Variants in EEF1G observed in about 807,000 individuals in gnomAD.
The protein encoded by EEF1G is elongation factor 1-gamma.
EEF1G carries 14 observed loss-of-function variants against 58.3 expected under a neutral mutation model. That is an observed-to-expected ratio of 0.24 (90% CI 0.16 to 0.38). The LOEUF is 0.38. Among genes scored for constraint, EEF1G ranks in the 10% least tolerant of loss-of-function variants. The pLI is 1.00. For synonymous variants in EEF1G, 180 were observed against 206.8 expected (o/e 0.87, Z 1.11); for missense variants, 322 against 550.1 (o/e 0.59, Z 4.15).
chr11:62,565,566 T>C (rs1941546446), intron 7 of EEF1G, among the ~76,000 whole-genome samples: 1 of 152,220 alleles, frequency 6.6e-6, no homozygotes. Flanking sequence ...TGACCTACTA[T>C]ATGTGAAAAT....
At chr11:62,564,334 G>A (rs1280013591) in intron 7 of EEF1G, among the ~76,000 whole-genome samples, 3 of 135,784 alleles carry the variant, frequency 2.2e-5, no homozygotes, top group East Asian at 3.9e-4. Flanking sequence ...ATGGTGGCAC[G>A]CACCTGCAAT....
chr11:62,562,003 T>A (rs1941502117), intron 7 of EEF1G, among the ~76,000 whole-genome samples: 1 of 152,224 alleles, frequency 6.6e-6, no homozygotes, highest in African/African-American at 2.4e-5. Flanking sequence ...AAACAATGTA[T>A]GAAGTTCCCA....
Position 62,571,681 on chromosome 11 carries a change from C to T in EEF1G, c.237G>A (p.Val79=). ...TACTTCCCCGCAGCTCCTCATTGCTCACTGCAGAGGCAGAACACGAAGGTC... is the reference window on the plus strand; with the variant it reads ...TACTTCCCCGCAGCTCCTCATTGCTTACTGCAGAGGCAGAACACGAAGGTC... ...VFESNAIAYY[V]SNEELRGSTP... Residue 79 remains valine (V), a splice_region_variant and synonymous_variant, in exon 4 of 10, where the codon GTG becomes GTA. Transcript: ENST00000329251. The T allele has an allele frequency of 6.3e-7, 1 of 1,586,400 alleles. No individual in the cohort carries two copies. The highest frequency in any genetic ancestry group is 1.3e-5 in the African/African-American group (1 of 74,360).
intron 6 of EEF1G, 79 bp from the exon 7 acceptor site, chr11:62,567,089 A>C: frequency 1.4e-6 from 2 of 1,462,460 alleles, no homozygotes; most frequent in Non-Finnish European, 1.9e-6. Context: ...AGAGCAAGCA[A>C]GGTAACAGAG....
At chr11:62,563,481 G>T (rs1252140114) in intron 7 of EEF1G, among the ~76,000 whole-genome samples, 1 of 152,122 alleles carries the variant, frequency 6.6e-6, no homozygotes, top group East Asian at 1.9e-4. Flanking sequence ...CTACTCAAGA[G>T]GCTGAGGTAG....
chr11:62,572,814 A>G, intron 1 of EEF1G, 72 bp from the exon 2 acceptor site: 2 of 1,424,872 alleles, frequency 1.4e-6, no homozygotes, highest in Non-Finnish European at 9.6e-7. Flanking sequence ...CTCCAGGATG[A>G]CTTTCCTGAA....
chr11:62,568,765 G>A (rs1454685398), intron 5 of EEF1G, among the ~76,000 whole-genome samples: 3 of 151,492 alleles, frequency 2.0e-5, no homozygotes, highest in African/African-American at 7.3e-5. Context: ...CTGAGGTCAG[G>A]AGTTCGAGAC....
intron 9 of EEF1G, 113 bp from the exon 10 acceptor site, chr11:62,559,950 G>C: frequency 6.2e-7 from 1 of 1,604,652 alleles, no homozygotes; most frequent in South Asian, 1.1e-5. Flanking sequence ...AACATGAACT[G>C]CTCCTTCCTA....
intron 7 of EEF1G, among the ~76,000 whole-genome samples, chr11:62,566,516 A>G (rs1941557618): frequency 6.6e-6 from 1 of 152,200 alleles, no homozygotes; most frequent in South Asian, 2.1e-4. Flanking sequence ...TGGTCAAATG[A>G]GCTTGCTCAA....
chr11:62,561,340 C>T (rs1244269010), intron 7 of EEF1G, among the ~76,000 whole-genome samples: 1 of 151,746 alleles, frequency 6.6e-6, no homozygotes, highest in Non-Finnish European at 1.5e-5. Flanking sequence ...GATCGCGCCA[C>T]TGCACTCCAG....
chr11:62,567,146 C>G, intron 6 of EEF1G, 136 bp from the exon 7 acceptor site: 2 of 996,688 alleles, frequency 2.0e-6, no homozygotes, highest in Non-Finnish European at 3.0e-6. Context: ...CCAGACTGCT[C>G]ATCAGTTCAC....
rs1941476903 is a variant in EEF1G, at chr11:62,559,988, C to T, written c.1155+81G>A. ...AGCATTCCTGAACCCTCCTAAACAT[C>T]CATCAACTCAGAAATAAAACACAGT... On this transcript the variant is annotated intron_variant, in intron 9 of 9. Transcript: ENST00000329251. 5.5e-5 allele frequency: 88 copies of T among 1,607,710 alleles called. 1 individual carries two copies. In the South Asian group the frequency reaches 9.5e-4, roughly 17 times the overall value.
intron 7 of EEF1G, among the ~76,000 whole-genome samples, chr11:62,562,952 A>C (rs1231623238): frequency 6.6e-6 from 1 of 151,396 alleles, no homozygotes; most frequent in Non-Finnish European, 1.5e-5. Context: ...AAAATTTAAA[A>C]ATTAGCTGGG....
At chr11:62,573,360 C>A (rs1243860332) in intron 1 of EEF1G, 1 of 179,480 alleles carries the variant, frequency 5.6e-6, no homozygotes, top group Non-Finnish European at 1.2e-5. Context: ...TCTATTATGC[C>A]GGCCAGCGGA....
chr11:62,571,164 T>TC, intron 4 of EEF1G, 56 bp from the exon 5 acceptor site: 1 of 1,610,566 alleles, frequency 6.2e-7, no homozygotes, highest in Non-Finnish European at 8.5e-7. Context: ...TTCCCTCACC[T>TC]CCCCCATTAA....
At chr11:62,562,513 G>A (rs748137100) in intron 7 of EEF1G, among the ~76,000 whole-genome samples, 2 of 151,768 alleles carry the variant, frequency 1.3e-5, no homozygotes, top group Non-Finnish European at 2.9e-5. Flanking sequence ...ATGGAGTCTC[G>A]CCCTGTCACC....
rs367830508 is a variant in EEF1G at position 62,566,901 on chromosome 11, C to G, written c.762G>C (p.Ala254=). ...TCTCCTCCTCAGGAGCAGGGGCAGC[C>G]GCCTTTTTCTCCTCCTTCCGCTCAG... The part of the protein sequence containing the change: ...PQAERKEEKK[A]AAPAPEEEMD... The change falls in exon 7 of 10, where the codon GCG becomes GCC. Residue 254 remains alanine (A), a synonymous_variant. Transcript: ENST00000329251. 521 of 1,613,632 alleles carry G rather than the reference C, an allele frequency of 3.2e-4. No homozygotes were observed. The highest frequency in any genetic ancestry group is 5.1e-4 in the Middle Eastern group (3 of 5,934).
intron 7 of EEF1G, among the ~76,000 whole-genome samples, chr11:62,563,213 G>A (rs75704988): frequency 6.6e-6 from 1 of 151,792 alleles, no homozygotes; most frequent in Non-Finnish European, 1.5e-5. Flanking sequence ...TGCAAGCTCC[G>A]CCTCCTGGGT....
Position 62,571,623 on chromosome 11 carries a change from C to T in EEF1G, c.295G>A (p.Val99Met). 1.9e-6 allele frequency: 3 copies of T among 1,587,640 alleles called. No individual in the cohort carries two copies. Among genetic ancestry groups the T allele is most frequent in the South Asian group, 1.2e-5 (1 of 86,862 alleles). Residue 99 changes from valine to methionine, a missense_variant, in exon 4 of 10, where the codon GTG becomes ATG. Val to Met is a conservative substitution (Grantham distance 21, BLOSUM62 1). Around this residue, in one of 3 missense-constraint regions of EEF1G, gnomAD observed 52 missense variants for 139.4 expected, o/e 0.37. Transcript: ENST00000329251. Reference sequence around the variant, plus strand: ...ACTATATCGGAATCAGCAAAGCTCACCCACTGCACCACCTGGGCTGCTGCC... The same window carrying T: ...ACTATATCGGAATCAGCAAAGCTCATCCACTGCACCACCTGGGCTGCTGCC... ...PEAAAQVVQW[V>M]SFADSDIVPP...
Sources: gnomAD v4.1 joint callset for allele counts (sites outside exome capture counted in the v4.1 genomes callset) on GRCh38, gnomAD v4.1.1 for gene constraint, gnomAD v4.1.1 regional missense constraint, MANE v1.5 for transcripts, NCBI Gene and HGNC (gene_info 2026-07-23, HGNC 2026-07-21) for gene names.